The following ATRNL1 variants were observed in gnomAD, a reference collection of about 807,000 sequenced individuals.
ATRNL1 encodes the protein attractin like 1, also known as attractin-like protein 1.
In ATRNL1, 95 loss-of-function variants were observed where a neutral mutation model predicts 182.7. The ratio of observed to expected loss-of-function variants is 0.52; its 90% confidence interval spans 0.44 to 0.62. ATRNL1 has a LOEUF of 0.62. Among genes scored for constraint, ATRNL1 ranks in the 20% least tolerant of loss-of-function variants. The pLI, the probability that ATRNL1 is intolerant of heterozygous loss-of-function variation, is 0.00. For synonymous variants in ATRNL1, 576 were observed against 568.3 expected (o/e 1.01, Z -0.19); for missense variants, 1,471 against 1,679.5 (o/e 0.88, Z 2.17).
rs1311899087 is a variant in ATRNL1 at position 115,583,505 on chromosome 10, T to G, written c.3795+33969T>G. ...GGATTCCTGGGTATTTTATTCTCTT[T>G]GAAGCAATTGTGAATGGGAGTTCAC... is the stretch of plus-strand genomic sequence containing the variant. On this transcript the variant is annotated intron_variant, in intron 26 of 28. Coordinates refer to ENST00000355044, the MANE Select transcript of ATRNL1 (RefSeq NM_207303.4). Among the ~76,000 whole-genome samples the G allele has an allele frequency of 1.8e-5, 2 of 110,568 alleles. 1 individual carries two copies. Among genetic ancestry groups the G allele is most frequent in the Non-Finnish European group, 4.0e-5 (2 of 49,720 alleles). The allele number at this position is 110,568 out of a possible 152,430, so 72.5% of individuals were successfully genotyped here.
intron 26 of ATRNL1, among the ~76,000 whole-genome samples, chr10:115,648,783 C>T (rs982812507): frequency 3.9e-5 from 6 of 152,098 alleles, no homozygotes; most frequent in Non-Finnish European, 8.8e-5. Flanking sequence ...CATTATGTGG[C>T]CCTGAAATTT....
intron 19 of ATRNL1, among the ~76,000 whole-genome samples, chr10:115,393,420 G>T (rs982601601): frequency 2.6e-5 from 4 of 152,086 alleles, no homozygotes; most frequent in Non-Finnish European, 5.9e-5. Context: ...GAAAAATAAT[G>T]AAAAAGTTGA....
intron 15 of ATRNL1, among the ~76,000 whole-genome samples, chr10:115,295,744 C>T (rs1853151124): frequency 6.6e-6 from 1 of 152,084 alleles, no homozygotes; most frequent in Non-Finnish European, 1.5e-5. Context: ...TCCTTTGGCT[C>T]AGAAGTGCAG....
rs528446023 is a variant in ATRNL1 at position 115,947,419 on chromosome 10, A to C, written c.*2640A>C. On this transcript the variant is annotated 3_prime_UTR_variant, in exon 29 of 29. Transcript: ENST00000355044. Reference sequence around the variant, plus strand: ...ATTTTTAGGATGTTTTATTCTGCCAAGTATGAAAAAAAAATGGTTAAATAC... The same window carrying C: ...ATTTTTAGGATGTTTTATTCTGCCACGTATGAAAAAAAAATGGTTAAATAC... 2.7e-4 allele frequency: 41 copies of C among 152,718 alleles called. No homozygotes were observed. The highest frequency in any genetic ancestry group is 9.4e-4 in the African/African-American group (39 of 41,552). 9.5% of individuals were successfully genotyped at this position (152,718 alleles called of 1,614,324 possible).
At chr10:115,108,575 C>T (rs1464428254) in intron 1 of ATRNL1, among the ~76,000 whole-genome samples, 3 of 152,078 alleles carry the variant, frequency 2.0e-5, no homozygotes, top group African/African-American at 7.2e-5. Flanking sequence ...CTGGTTGCCC[C>T]ACCATAATCT....
At chr10:115,580,081 A>G (rs1176055624) in intron 26 of ATRNL1, among the ~76,000 whole-genome samples, 4 of 152,086 alleles carry the variant, frequency 2.6e-5, no homozygotes, top group Non-Finnish European at 5.9e-5. Flanking sequence ...ATTTAGTTAT[A>G]GTTGTATTTG....
chr10:115,142,998 T>C (rs757774895), intron 5 of ATRNL1, among the ~76,000 whole-genome samples: 53 of 152,210 alleles, frequency 3.5e-4, no homozygotes, highest in Non-Finnish European at 6.6e-4. Context: ...CAAAAGGAGA[T>C]AGTGAGGAGG....
At chr10:115,096,380 C>A (rs2085011188) in intron 1 of ATRNL1, among the ~76,000 whole-genome samples, 1 of 152,024 alleles carries the variant, frequency 6.6e-6, no homozygotes, top group African/African-American at 2.4e-5. Context: ...GAAAAGAATT[C>A]TTCTTGGTAA....
chr10:115,694,234 G>T (rs76444984), intron 26 of ATRNL1, among the ~76,000 whole-genome samples: 7,163 of 150,276 alleles, frequency 0.048, 563 homozygotes, highest in African/African-American at 0.16. Context: ...ATAAAAACTA[G>T]ACCTGTCTCA....
chr10:115,870,226 C>A (rs1472634530), intron 28 of ATRNL1, among the ~76,000 whole-genome samples: 1 of 152,166 alleles, frequency 6.6e-6, no homozygotes, highest in Non-Finnish European at 1.5e-5. Flanking sequence ...GCCATACTCT[C>A]TCCCTAAGGA....
At chr10:115,940,455 C>T (rs189478551) in intron 28 of ATRNL1, among the ~76,000 whole-genome samples, 1 of 152,236 alleles carries the variant, frequency 6.6e-6, no homozygotes, top group East Asian at 1.9e-4. Flanking sequence ...TTCCTGAGCA[C>T]GTTGCCACAA....
intron 28 of ATRNL1, among the ~76,000 whole-genome samples, chr10:115,851,777 C>T (rs1394922782): frequency 6.6e-6 from 1 of 152,096 alleles, no homozygotes; most frequent in East Asian, 1.9e-4. Flanking sequence ...CCAGACTCTT[C>T]GGTTAAGGTG....
At chr10:115,497,657 CT>C (rs547454786) in intron 24 of ATRNL1, among the ~76,000 whole-genome samples, 3 of 85,680 alleles carry the variant, frequency 3.5e-5, no homozygotes, top group African/African-American at 1.3e-4. Context: ...TAAGTTTACT[CT>C]TTTTTTTCTT....
chr10:115,466,582 C>T (rs72822663), intron 22 of ATRNL1, among the ~76,000 whole-genome samples: 2,780 of 151,246 alleles, frequency 0.018, 49 homozygotes, highest in Non-Finnish European at 0.028. Flanking sequence ...TGACAAGAAG[C>T]GGGTTGAATG....
intron 27 of ATRNL1, among the ~76,000 whole-genome samples, chr10:115,737,395 A>G (rs1271595040): frequency 6.6e-6 from 1 of 151,222 alleles, no homozygotes; most frequent in African/African-American, 2.4e-5. Flanking sequence ...ATGATCATAC[A>G]CTGCACTCCA....
chr10:115,846,410 A>T (rs540787151), intron 27 of ATRNL1, among the ~76,000 whole-genome samples: 6 of 152,260 alleles, frequency 3.9e-5, no homozygotes, highest in African/African-American at 1.4e-4. Flanking sequence ...TAGAAACGAC[A>T]GTATTCTAGA....
chr10:115,452,053 A>G (rs1554967769), intron 21 of ATRNL1, among the ~76,000 whole-genome samples: 1 of 152,184 alleles, frequency 6.6e-6, no homozygotes, highest in East Asian at 1.9e-4. Context: ...TGGTAGCTAA[A>G]TGATGAGAAC....
chr10:115,311,507 T>C (rs536723716), intron 17 of ATRNL1, among the ~76,000 whole-genome samples: 11 of 152,232 alleles, frequency 7.2e-5, no homozygotes, highest in African/African-American at 2.6e-4. Context: ...TTTTATAACT[T>C]ATTGAGACTT....
intron 21 of ATRNL1, among the ~76,000 whole-genome samples, chr10:115,437,619 C>T (rs1382491576): frequency 2.0e-5 from 3 of 151,906 alleles, no homozygotes; most frequent in African/African-American, 7.2e-5. Flanking sequence ...TTTTTGGACT[C>T]TCGATATTGT....
Sources: gnomAD v4.1 joint callset for allele counts (sites outside exome capture counted in the v4.1 genomes callset) on GRCh38, gnomAD v4.1.1 for gene constraint, MANE v1.5 for transcripts, NCBI Gene and HGNC (gene_info 2026-07-23, HGNC 2026-07-21) for gene names.